The following KCTD19 variants were observed in gnomAD, a reference collection of about 807,000 sequenced individuals.
KCTD19 encodes the protein potassium channel tetramerization domain containing 19.
KCTD19 carries 67 observed loss-of-function variants against 103.5 expected under a neutral mutation model. The ratio of observed to expected loss-of-function variants is 0.65; its 90% CI spans 0.53 to 0.79. The LOEUF (loss-of-function observed/expected upper bound fraction) is 0.79, where lower values mean the gene tolerates loss of function less well. Ranked by LOEUF, KCTD19 falls within the 30% of genes least tolerant of loss-of-function variation. The probability of loss-of-function intolerance (pLI) is 0.00; values close to 1 mark genes in which losing one functional copy is unlikely to be tolerated. For missense variants in KCTD19, 980 were observed against 1,136.1 expected, an observed-to-expected ratio of 0.86 and a Z score of 1.98; for synonymous variants, 439 against 452.2, an observed-to-expected ratio of 0.97 and a Z score of 0.37.
At chr16:67,299,248 C>T in intron 6 of KCTD19, 115 bp downstream of exon 6, 2 of 923,658 alleles carry the variant, frequency 2.2e-6, no homozygotes, top group African/African-American at 3.3e-5. Flanking sequence ...AAATGATGGG[C>T]TGGCCCCAAG....
intron 2 of KCTD19, among the ~76,000 whole-genome samples, chr16:67,315,858 C>T (rs762878107): frequency 1.4e-4 from 21 of 152,020 alleles, no homozygotes; most frequent in Non-Finnish European, 2.5e-4. Flanking sequence ...AAGTGATCCA[C>T]CCACCTCGGA....
chr16:67,323,936 G>A lies in KCTD19; in HGVS notation c.3+2769C>T. Among the ~76,000 whole-genome samples, 1 of 151,720 alleles carries A rather than the reference G, an allele frequency of 6.6e-6. No individual in the cohort carries two copies. The highest frequency in any genetic ancestry group is 1.9e-4 in the East Asian group (1 of 5,182). ...GTACTGTCCATTCCATGGAGCGCAT[G>A]CAGAACTCTCTTGGGATCTTACCTG... is the stretch of plus-strand genomic sequence containing the variant. On this transcript the variant is annotated intron_variant, in intron 1 of 15. Coordinates refer to ENST00000304372, the MANE Select transcript of KCTD19 (RefSeq NM_001100915.3). The surrounding 1 kb of genome is among the most constrained non-coding windows in gnomAD (Gnocchi z 4.1).
At position 67,297,701 on chromosome 16, in the gene KCTD19, A is replaced by G. The variant is rs776820908; in HGVS notation, c.987-38T>C. The G allele has an allele frequency of 3.7e-6, 6 of 1,603,026 alleles. No homozygotes were observed. In the African/African-American group the frequency reaches 8.0e-5, roughly 21 times the overall value. Reference sequence around the variant, plus strand: ...AAGGTCTGTCATGAAGAACATCAGCATTGTACCCCAAGAGAGTCGAGCCTG... The same window carrying G: ...AAGGTCTGTCATGAAGAACATCAGCGTTGTACCCCAAGAGAGTCGAGCCTG... On this transcript the variant is annotated intron_variant, in intron 6 of 15. Transcript: ENST00000304372.
rs749598755 is a variant in KCTD19 at position 67,299,526 on chromosome 16, C to T, written c.823G>A (p.Ala275Thr). ...TCSPLSPGKG[A>T]RTASLESVKP... Reference sequence around the variant, plus strand: ...ACGGACTCCAGGCTGGCTGTGCGGGCCCCCTTCCCGGGGCTCAGGGGAGAA... The same window carrying T: ...ACGGACTCCAGGCTGGCTGTGCGGGTCCCCTTCCCGGGGCTCAGGGGAGAA... Residue 275 changes from alanine to threonine, a missense_variant, in exon 6 of 16, where the codon GCC becomes ACC. Physicochemically the swap from Ala to Thr is moderately conservative, Grantham distance 58. Coordinates refer to ENST00000304372, the MANE Select transcript of KCTD19 (RefSeq NM_001100915.3). The T allele has an allele frequency of 4.3e-6, 7 of 1,613,892 alleles. No individual in the cohort carries two copies. The highest frequency in any genetic ancestry group is 5.9e-6 in the Non-Finnish European group (7 of 1,180,038).
intron 2 of KCTD19, among the ~76,000 whole-genome samples, chr16:67,312,523 T>C (rs1433524091): frequency 6.8e-6 from 1 of 148,010 alleles, no homozygotes; most frequent in Non-Finnish European, 1.5e-5. Context: ...TCTCTAGGCC[T>C]AACTGTTTCC....
In KCTD19 at chr16:67,295,827, T is replaced by G. The variant is rs553656085; in HGVS notation, c.1248+332A>C. 175 of 357,024 alleles carry G rather than the reference T, an allele frequency of 4.9e-4. 1 individual carries two copies. The highest frequency in any genetic ancestry group is 3.4e-3 in the African/African-American group (163 of 48,474). 22.1% of individuals were successfully genotyped at this position (357,024 alleles called of 1,614,324 possible). A position where few individuals can be genotyped will look rare whatever the true frequency, so the allele number is the denominator to read the frequency against. ...TGGCGCGATCTCAGCTCACTGCAAC[T>G]TCTATCTCCTGGGTTCAAACAATTC... is the stretch of plus-strand genomic sequence containing the variant. On this transcript the variant is annotated intron_variant, in intron 8 of 15. Transcript: ENST00000304372.
At position 67,310,456 on chromosome 16, in the gene KCTD19, C is replaced by T. The variant is rs141591901; in HGVS notation, c.301-5885G>A. Among the ~76,000 whole-genome samples, 756 of 152,272 alleles carry T rather than the reference C, an allele frequency of 5.0e-3. 7 individuals are homozygous for T. The highest frequency in any genetic ancestry group is 6.7e-3 in the Non-Finnish European group (456 of 68,028). The stretch of plus-strand genomic sequence containing the variant: ...CTGACTTCAAGTCCGCTTTCATCTG[C>T]CTGAATACAACTTCCAGGAATTTTA... On this transcript the variant is annotated intron_variant, in intron 2 of 15. Coordinates refer to ENST00000304372, the MANE Select transcript of KCTD19 (RefSeq NM_001100915.3).
intron 2 of KCTD19, among the ~76,000 whole-genome samples, chr16:67,318,574 A>G (rs1006316749): frequency 6.6e-6 from 1 of 151,824 alleles, no homozygotes; most frequent in South Asian, 2.1e-4. Flanking sequence ...AAAAAAAAAA[A>G]AAAAGAAGCT....
At chr16:67,307,257 T>C (rs1311313152) in intron 2 of KCTD19, among the ~76,000 whole-genome samples, 4 of 151,042 alleles carry the variant, frequency 2.6e-5, no homozygotes, top group Non-Finnish European at 5.9e-5. Flanking sequence ...CAACTGATCC[T>C]CCCACCTCAC....
At chr16:67,294,516 C>A in intron 11 of KCTD19, 64 bp downstream of exon 11, 1 of 1,144,392 alleles carries the variant, frequency 8.7e-7, no homozygotes, top group Non-Finnish European at 1.3e-6. Flanking sequence ...CTACCCCCAT[C>A]CACCCTGAGC....
chr16:67,326,700 C>T lies in KCTD19; in HGVS notation c.3+5G>A. 1 of 1,580,136 alleles carries T rather than the reference C, an allele frequency of 6.3e-7. No individual in the cohort carries two copies. The highest frequency in any genetic ancestry group is 8.6e-7 in the Non-Finnish European group (1 of 1,167,814). On this transcript the variant is annotated splice_donor_5th_base_variant and intron_variant, in intron 1 of 15. Transcript: ENST00000304372. ...TTGGCGCCCCCGCCAGAGCGGGCTC[C>T]GTACCATGGTCGCGGCTCCAGCAGC...
Position 67,301,421 on chromosome 16 carries a change from C to G in KCTD19, c.775+370G>C, listed in dbSNP as rs570600564. ...GAAGGATGGGAGTGGCTGGTGGGTGCTCTTAGTCCCCACCACTTTCACAAG... is the reference window on the plus strand; with the variant it reads ...GAAGGATGGGAGTGGCTGGTGGGTGGTCTTAGTCCCCACCACTTTCACAAG... On this transcript the variant is annotated intron_variant, in intron 5 of 15. Coordinates refer to ENST00000304372, the MANE Select transcript of KCTD19 (RefSeq NM_001100915.3). 854 of 168,246 alleles carry G rather than the reference C, an allele frequency of 5.1e-3. 7 individuals are homozygous for G. Among genetic ancestry groups the G allele is most frequent in the African/African-American group, 0.019 (795 of 41,944 alleles). 10.4% of individuals were successfully genotyped at this position (168,246 alleles called of 1,614,324 possible).
intron 2 of KCTD19, among the ~76,000 whole-genome samples, chr16:67,307,315 A>AT (rs149670849): frequency 0.02 from 2,755 of 138,888 alleles, 41 homozygotes; most frequent in African/African-American, 0.042. Flanking sequence ...CACCCTGCTA[A>AT]TTTTTTTTTT....
At chr16:67,292,155 C>T (rs894115824) in intron 12 of KCTD19, among the ~76,000 whole-genome samples, 10 of 152,226 alleles carry the variant, frequency 6.6e-5, no homozygotes, top group Non-Finnish European at 1.2e-4. Context: ...GTGAGCCACA[C>T]GCACAGGCTT....
At chr16:67,292,539 GACAT>G (rs2036711737) in intron 12 of KCTD19, among the ~76,000 whole-genome samples, 1 of 152,166 alleles carries the variant, frequency 6.6e-6, no homozygotes, top group South Asian at 2.1e-4. Context: ...CCAAAGAGTG[GACAT>G]TTGTCATCCC....
chr16:67,305,721 G>A (rs2036885392), intron 2 of KCTD19: 2 of 381,722 alleles, frequency 5.2e-6, no homozygotes, highest in South Asian at 1.9e-5. Context: ...GATATAGCAG[G>A]GCAAGTGGTA....
At chr16:67,321,266 T>C (rs537766838) in intron 1 of KCTD19, among the ~76,000 whole-genome samples, 1 of 152,358 alleles carries the variant, frequency 6.6e-6, no homozygotes, top group South Asian at 2.1e-4. Context: ...TGTATTTTTA[T>C]ACTTCAGCAA....
intron 2 of KCTD19, among the ~76,000 whole-genome samples, chr16:67,312,948 G>T (rs528705373): frequency 7.2e-5 from 11 of 152,068 alleles, no homozygotes; most frequent in African/African-American, 2.4e-4. Context: ...TCTATAAAAG[G>T]CCTGACAGTA....
At chr16:67,325,212 T>C (rs950415380) in intron 1 of KCTD19, among the ~76,000 whole-genome samples, 8 of 142,458 alleles carry the variant, frequency 5.6e-5, no homozygotes, top group Non-Finnish European at 1.2e-4. Flanking sequence ...TTTTTCTTTT[T>C]TTTTTTTTTT....
Sources: allele counts gnomAD v4.1 joint callset (sites outside exome capture counted in the v4.1 genomes callset), GRCh38; gene constraint gnomAD v4.1.1; non-coding constraint Gnocchi (gnomAD v3.1); transcripts MANE v1.5; gene names NCBI Gene and HGNC (gene_info 2026-07-23, HGNC 2026-07-21).